THSD1: variants seen among roughly 807,000 people sequenced by gnomAD.
THSD1 encodes thrombospondin type-1 domain-containing protein 1.
Under a neutral mutation model 46.3 loss-of-function variants are expected in THSD1, and 34 were observed. The ratio of observed to expected loss-of-function variants is 0.74; its 90% CI spans 0.56 to 0.98. The LOEUF (loss-of-function observed/expected upper bound fraction) is 0.98. THSD1 is among the 50% of genes least tolerant of loss of function. The probability of loss-of-function intolerance (pLI) is 0.00; values close to 1 mark genes in which losing one functional copy is unlikely to be tolerated. For synonymous variants in THSD1, 407 were observed against 416.5 expected (o/e 0.98, Z 0.28); for missense variants, 1,023 against 1,058.3 (o/e 0.97, Z 0.46).
chr13:52,391,497 G>A (rs1594100819), intron 3 of THSD1, among the ~76,000 whole-genome samples: 3 of 151,436 alleles, frequency 2.0e-5, no homozygotes, highest in Non-Finnish European at 2.9e-5. Flanking sequence ...AGATTTACAG[G>A]GGTGTGCCAC....
chr13:52,386,772 TC>T (rs1957734052), intron 3 of THSD1, among the ~76,000 whole-genome samples: 1 of 152,190 alleles, frequency 6.6e-6, no homozygotes, highest in African/African-American at 2.4e-5. Context: ...TCACCTGTCC[TC>T]TCTCCATTTC....
intron 4 of THSD1, 52 bp downstream of exon 4, chr13:52,385,976 C>A: frequency 6.4e-7 from 1 of 1,568,032 alleles, no homozygotes; most frequent in South Asian, 1.2e-5. Context: ...TTCAATATTC[C>A]TTCTGATGAA....
chr13:52,381,497 T>TCA, intron 4 of THSD1, among the ~76,000 whole-genome samples: 1 of 152,186 alleles, frequency 6.6e-6, no homozygotes, highest in Non-Finnish European at 1.5e-5. Context: ...CTCTAATAGG[T>TCA]CACACACACA....
Position 52,396,250 on chromosome 13 carries a change from G to A in THSD1, c.1021+982C>T, listed in dbSNP as rs143470833. On this transcript the variant is annotated intron_variant, in intron 3 of 4. Coordinates refer to ENST00000258613, the MANE Select transcript of THSD1 (RefSeq NM_018676.4). ...GATAAAGATAAAAAGCAGGCTGGGC[G>A]CAGTGGCTCATGCCTGTAATCCCAG... is the stretch of plus-strand genomic sequence containing the variant. Among the ~76,000 whole-genome samples the A allele has an allele frequency of 1.1e-4, 17 of 152,296 alleles. No homozygotes were observed. In the East Asian group the frequency reaches 2.9e-3, roughly 26 times the overall value.
intron 3 of THSD1, among the ~76,000 whole-genome samples, chr13:52,396,721 A>G (rs1957814994): frequency 6.6e-6 from 1 of 152,136 alleles, no homozygotes; most frequent in Non-Finnish European, 1.5e-5. Context: ...CAGAATCCCA[A>G]TACATTTTTA....
chr13:52,384,197 AAAAAAAG>A (rs1175193497), intron 4 of THSD1: 2 of 321,182 alleles, frequency 6.2e-6, no homozygotes, highest in Admixed American at 4.0e-5. Context: ...AAAAAAAAAA[AAAAAAAG>A]AAGAAGAAGA....
intron 3 of THSD1, among the ~76,000 whole-genome samples, chr13:52,391,796 G>A (rs1035147894): frequency 1.3e-5 from 2 of 151,936 alleles, no homozygotes; most frequent in African/African-American, 4.8e-5. Flanking sequence ...ACCCACCTCG[G>A]CCTCTCAAAG....
rs200340193 is a variant in THSD1 at position 52,397,789 on chromosome 13, A to C, written c.464T>G (p.Leu155Arg). 12 of 1,614,258 alleles carry C rather than the reference A, an allele frequency of 7.4e-6. No individual in the cohort carries two copies. The highest frequency in any genetic ancestry group is 1.0e-5 in the Non-Finnish European group (12 of 1,180,048). Reference protein sequence around the residue: ...FQVGLFTSQPLCPFPVDKPNI... With the variant: ...FQVGLFTSQPRCPFPVDKPNI... ...GGGCTTGTCCACAGGAAACGGGCAC[A>C]GTGGTTGACTGGTAAATAGGCCCAC... Residue 155 changes from leucine (L) to arginine (R), a missense_variant, in exon 3 of 5, where the codon CTG (leucine) becomes CGG (arginine). Transcript: ENST00000258613.
At chr13:52,390,140 CAA>C (rs71769281) in intron 3 of THSD1, among the ~76,000 whole-genome samples, 6 of 138,396 alleles carry the variant, frequency 4.3e-5, no homozygotes, top group Admixed American at 7.2e-5. Flanking sequence ...GACATTGTCT[CAA>C]AAAAAAAAAA....
At position 52,386,115 on chromosome 13, in the gene THSD1, G is replaced by C. The variant is rs768589132; in HGVS notation, c.1093C>G (p.Arg365Gly). The change falls in exon 4 of 5, where the codon CGA becomes GGA. Residue 365 changes from arginine to glycine, a missense_variant. Physicochemically the swap from Arg to Gly is moderately radical, Grantham distance 125. Around this residue, in one of 3 missense-constraint regions of THSD1, gnomAD observed 429 missense variants for 518.3 expected, o/e 0.83. Coordinates refer to ENST00000258613, the MANE Select transcript of THSD1 (RefSeq NM_018676.4). ...GAGGGGAAGGAAGTGAGACACACTC[G>C]GCGACGCTCTCTGACACCATCCCCA... is the stretch of plus-strand genomic sequence containing the variant. Reference protein sequence around the residue: ...TCGDGVRERRRVCLTSFPSSP... With the variant: ...TCGDGVRERRGVCLTSFPSSP... The C allele has an allele frequency of 1.2e-6, 2 of 1,614,114 alleles. No individual in the cohort carries two copies. Among genetic ancestry groups the C allele is most frequent in the Non-Finnish European group, 1.7e-6 (2 of 1,180,022 alleles).
rs761065153 is a variant in THSD1, at chr13:52,398,085, C to T, written c.168G>A (p.Leu56=). ...FQYFDGANGT[L]RNVSVLLLEA... is the part of the protein sequence containing the mutation. ...CCAACAGCAGGACAGATACATTCCT[C>T]AGTGTCCCATTAGCACCATCAAAAT... Residue 56 remains leucine, a synonymous_variant, in exon 3 of 5, where the codon CTG becomes CTA. Coordinates refer to ENST00000258613, the MANE Select transcript of THSD1 (RefSeq NM_018676.4). 7 of 1,614,092 alleles carry T rather than the reference C, an allele frequency of 4.3e-6. No individual in the cohort carries two copies. Among genetic ancestry groups the T allele is most frequent in the Non-Finnish European group, 5.1e-6 (6 of 1,180,056 alleles).
At chr13:52,398,535 C>T in intron 2 of THSD1, 1 of 984,688 alleles carries the variant, frequency 1.0e-6, no homozygotes, top group Non-Finnish European at 1.2e-6. Flanking sequence ...AGCCACTGCA[C>T]CCAGCAGAAA....
chr13:52,397,442 C>T lies in THSD1; in HGVS notation c.811G>A (p.Val271Met). The T allele has an allele frequency of 6.2e-7, 1 of 1,614,160 alleles. No individual in the cohort carries two copies. Among genetic ancestry groups the T allele is most frequent in the Non-Finnish European group, 8.5e-7 (1 of 1,180,036 alleles). The change falls in exon 3 of 5, where the codon GTG becomes ATG. Residue 271 changes from valine (V) to methionine (M), a missense_variant. Val to Met is a conservative substitution (Grantham distance 21). Around this residue, in one of 3 missense-constraint regions of THSD1, gnomAD observed 429 missense variants for 518.3 expected, o/e 0.83. Coordinates refer to ENST00000258613, the MANE Select transcript of THSD1 (RefSeq NM_018676.4). ...LPPPCTFVQG[V>M]VTVFKEAPRY... is the part of the protein sequence containing the mutation. ...GGGGCCTCCTTGAAGACAGTGACCA[C>T]TCCTTGGACGAAGGTGCATGGTGGA...
At chr13:52,379,972 AC>A (rs1359195791) in intron 4 of THSD1, among the ~76,000 whole-genome samples, 1 of 152,182 alleles carries the variant, frequency 6.6e-6, no homozygotes, top group Non-Finnish European at 1.5e-5. Context: ...AATACATAAT[AC>A]AACTCATTTC....
At chr13:52,405,835 C>T (rs1957901760) in intron 1 of THSD1, among the ~76,000 whole-genome samples, 196 bp downstream of exon 1, 1 of 152,178 alleles carries the variant, frequency 6.6e-6, no homozygotes, top group Non-Finnish European at 1.5e-5. Context: ...TTCGGGACTC[C>T]GAAGTGTGGA....
At position 52,377,310 on chromosome 13, in the gene THSD1, T is replaced by C; in HGVS notation, c.*101A>G. The C allele has an allele frequency of 7.1e-7, 1 of 1,408,852 alleles. No homozygotes were observed. Among genetic ancestry groups the C allele is most frequent in the Non-Finnish European group, 9.3e-7 (1 of 1,075,536 alleles). 87.3% of individuals were successfully genotyped at this position (1,408,852 alleles called of 1,614,324 possible). A position where few individuals can be genotyped will look rare whatever the true frequency, so the allele number is the denominator to read the frequency against. ...ACACACATCCTCCTCTGTGTGTTACTTCCTCCTCACATTCTGTCCTACGGT... is the reference window on the plus strand; with the variant it reads ...ACACACATCCTCCTCTGTGTGTTACCTCCTCCTCACATTCTGTCCTACGGT... On this transcript the variant is annotated 3_prime_UTR_variant, in exon 5 of 5. Transcript: ENST00000258613.
intron 2 of THSD1, among the ~76,000 whole-genome samples, chr13:52,400,941 T>A: frequency 6.6e-6 from 1 of 152,272 alleles, no homozygotes; most frequent in South Asian, 2.1e-4. Flanking sequence ...GGCTGTTACA[T>A]GTAGAGTAAT....
chr13:52,399,926 AG>A, intron 2 of THSD1: 1 of 156,218 alleles, frequency 6.4e-6, no homozygotes. Flanking sequence ...TTGGATCTGA[AG>A]GGGGCAGGAT....
At chr13:52,395,451 G>A (rs896956453) in intron 3 of THSD1, among the ~76,000 whole-genome samples, 1 of 152,092 alleles carries the variant, frequency 6.6e-6, no homozygotes, top group East Asian at 1.9e-4. Flanking sequence ...GCAGTGTTAG[G>A]GGGTACAAGG....
Sources: allele counts gnomAD v4.1 joint callset (sites outside exome capture counted in the v4.1 genomes callset), GRCh38; gene constraint gnomAD v4.1.1; regional missense constraint gnomAD v4.1.1; transcripts MANE v1.5; gene names NCBI Gene and HGNC (gene_info 2026-07-23, HGNC 2026-07-21).